The following KCTD1 variants were observed in gnomAD, a reference collection of about 807,000 sequenced individuals.
KCTD1 encodes BTB/POZ domain-containing protein KCTD1.
KCTD1 carries 24 observed loss-of-function variants against 66.0 expected under a neutral mutation model. That is an observed-to-expected ratio of 0.36 (90% confidence interval 0.26 to 0.51). KCTD1 has a LOEUF of 0.51. Among genes scored for constraint, KCTD1 ranks in the 20% least tolerant of loss-of-function variants. The pLI, the probability that KCTD1 is intolerant of heterozygous loss-of-function variation, is 0.95. For synonymous variants in KCTD1, 511 were observed against 517.2 expected (o/e 0.99, Z 0.16); for missense variants, 943 against 1,205.2 (o/e 0.78, Z 3.22).
At position 26,599,600 on chromosome 18, in the gene KCTD1, G is replaced by A. The variant is rs1260495974; in HGVS notation, c.-16+29547C>T. 2.7e-6 allele frequency: 4 copies of A among 1,497,148 alleles called. No individual in the cohort carries two copies. In the African/African-American group the frequency reaches 5.5e-5, roughly 21 times the overall value. 92.7% of individuals were successfully genotyped at this position (1,497,148 alleles called of 1,614,324 possible). A position where few individuals can be genotyped will look rare whatever the true frequency, so the allele number is the denominator to read the frequency against. On this transcript the variant is annotated intron_variant, in intron 1 of 4. Coordinates refer to the KCTD1 transcript ENST00000317932. Reference sequence around the variant, plus strand: ...ATCCAGCTTTGACATTATTTTGTCGGGTTTAGTCCCGGGAAGCACCACTCT... The same window carrying A: ...ATCCAGCTTTGACATTATTTTGTCGAGTTTAGTCCCGGGAAGCACCACTCT...
Position 26,548,218 on chromosome 18 carries a change from G to C in KCTD1, c.319C>G (p.Pro107Ala). ...MGLDWDEPLE[P>A]EDSAGEELEP... ...AGCTCCTCCCCGGCCGAGTCCTCGG[G>C]CTCCAGGGGCTCGTCCCAGTCCAGC... The change falls in exon 1 of 5, where the codon CCC becomes GCC. Residue 107 changes from proline to alanine, a missense_variant. By Grantham distance (27) the Pro-to-Ala change is conservative (BLOSUM62 -1). Transcript: ENST00000580059. The C allele has an allele frequency of 6.6e-7, 1 of 1,509,066 alleles. No individual in the cohort carries two copies. The highest frequency in any genetic ancestry group is 2.6e-5 in the East Asian group (1 of 38,876). The allele number at this position is 1,509,066 out of a possible 1,614,324, so 93.5% of individuals were successfully genotyped here.
At chr18:26,540,999 TC>T (rs1984948545) in intron 1 of KCTD1, among the ~76,000 whole-genome samples, 1 of 152,172 alleles carries the variant, frequency 6.6e-6, no homozygotes, top group African/African-American at 2.4e-5. Flanking sequence ...GGCTCTATCT[TC>T]CGGTGGAGAT....
intron 4 of KCTD1, chr18:26,457,203 A>G (rs1980138553): frequency 6.6e-6 from 1 of 152,080 alleles, no homozygotes. Context: ...TTAACATTCT[A>G]CCCAGCAGTG....
At chr18:26,485,509 T>C (rs1019695934) in intron 2 of KCTD1, among the ~76,000 whole-genome samples, 2 of 152,242 alleles carry the variant, frequency 1.3e-5, no homozygotes, top group Non-Finnish European at 1.5e-5. Context: ...AGAAAACTTT[T>C]AAGATCACCT....
intron 1 of KCTD1, among the ~76,000 whole-genome samples, chr18:26,646,340 A>G (rs1476004681): frequency 2.0e-5 from 3 of 152,218 alleles, no homozygotes; most frequent in Non-Finnish European, 2.9e-5. Context: ...CTTTTTCTCC[A>G]TCCTTTGACG....
At chr18:26,566,074 C>T (rs73401483) in intron 1 of KCTD1, 1 of 152,100 alleles carries the variant, frequency 6.6e-6, no homozygotes, top group Admixed American at 6.5e-5. Context: ...TGTTCAGTGC[C>T]TAACACAGAC....
intron 1 of KCTD1, among the ~76,000 whole-genome samples, chr18:26,583,776 T>A (rs1986412248): frequency 6.6e-6 from 1 of 152,228 alleles, no homozygotes; most frequent in South Asian, 2.1e-4. Flanking sequence ...TTTAAAAATA[T>A]CCTTTCTGTT....
intron 1 of KCTD1, chr18:26,600,317 G>A (rs1986861694): frequency 1.3e-6 from 2 of 1,567,322 alleles, no homozygotes; most frequent in Admixed American, 3.3e-5. Context: ...GCACTTCTGA[G>A]CAATAGCAAT....
At chr18:26,630,043 C>T (rs1414581911), upstream of KCTD1, among the ~76,000 whole-genome samples, 1 of 152,066 alleles carries the variant, frequency 6.6e-6, no homozygotes, top group African/African-American at 2.4e-5. Context: ...CCTTGAGACC[C>T]ATATGAAAGA....
At chr18:26,650,557 T>C (rs1988012038) in intron 1 of KCTD1, among the ~76,000 whole-genome samples, 1 of 152,250 alleles carries the variant, frequency 6.6e-6, no homozygotes, top group East Asian at 1.9e-4. Context: ...ACCTCATTTG[T>C]AGTTCAGAAA....
chr18:26,482,539 C>G (rs1042767584), intron 2 of KCTD1, among the ~76,000 whole-genome samples: 1 of 152,154 alleles, frequency 6.6e-6, no homozygotes, highest in Non-Finnish European at 1.5e-5. Flanking sequence ...AAAACTCTTA[C>G]GGGATTTGTC....
chr18:26,506,079 G>A (rs1025368503), intron 1 of KCTD1, among the ~76,000 whole-genome samples: 6 of 151,776 alleles, frequency 4.0e-5, no homozygotes, highest in East Asian at 3.9e-4. Context: ...ATGGGGTTTC[G>A]CTATGTTGCC....
intron 1 of KCTD1, among the ~76,000 whole-genome samples, chr18:26,580,404 T>C (rs1355789903): frequency 6.6e-6 from 1 of 152,104 alleles, no homozygotes; most frequent in African/African-American, 2.4e-5. Context: ...CTGGTGAACC[T>C]AGCACCTTTA....
intron 1 of KCTD1, among the ~76,000 whole-genome samples, chr18:26,628,790 G>T (rs1280673531): frequency 6.6e-6 from 1 of 152,164 alleles, no homozygotes; most frequent in Non-Finnish European, 1.5e-5. Flanking sequence ...TGAAGATAGA[G>T]GCTTCTAATT....
chr18:26,459,509 C>T, intron 4 of KCTD1, 111 bp downstream of exon 4: 1 of 1,019,582 alleles, frequency 9.8e-7, no homozygotes, highest in African/African-American at 1.6e-5. Flanking sequence ...ACAGAAGTGT[C>T]ACTGAGTGAG....
At chr18:26,533,829 A>G (rs1435515034) in intron 1 of KCTD1, among the ~76,000 whole-genome samples, 1 of 9,570 alleles carries the variant, frequency 1.0e-4, no homozygotes, top group African/African-American at 4.3e-4. Flanking sequence ...CTATTATTTA[A>G]AAAAAAAAAA....
rs1234121911 is a variant in KCTD1 at position 26,497,017 on chromosome 18, C to G, written c.1988+4055G>C. Reference sequence around the variant, plus strand: ...CCTTGCATGGCTTTTTAATGCTTCCCAGGTGCTTCTAATGTTCAGCTGTAT... The same window carrying G: ...CCTTGCATGGCTTTTTAATGCTTCCGAGGTGCTTCTAATGTTCAGCTGTAT... On this transcript the variant is annotated intron_variant, in intron 2 of 4. Coordinates refer to ENST00000580059, the MANE Select transcript of KCTD1 (RefSeq NM_001142730.3). Among the ~76,000 whole-genome samples, 5 of 152,174 alleles carry G rather than the reference C, an allele frequency of 3.3e-5. No homozygotes were observed. The East Asian group carries it at 7.7e-4, about 24-fold the overall frequency.
At chr18:26,585,959 C>T (rs1359638658) in intron 1 of KCTD1, among the ~76,000 whole-genome samples, 1 of 152,170 alleles carries the variant, frequency 6.6e-6, no homozygotes, top group East Asian at 1.9e-4. Context: ...GGCTTGAACC[C>T]AGGAGTTCAA....
At chr18:26,496,104 A>C (rs1253690478) in intron 2 of KCTD1, among the ~76,000 whole-genome samples, 1 of 152,204 alleles carries the variant, frequency 6.6e-6, no homozygotes, top group Non-Finnish European at 1.5e-5. Flanking sequence ...ATGAAAAATT[A>C]CTTAGTTACC....
Sources: gnomAD v4.1 joint callset for allele counts (sites outside exome capture counted in the v4.1 genomes callset) on GRCh38, gnomAD v4.1.1 for gene constraint, MANE v1.5 for transcripts, NCBI Gene and HGNC (gene_info 2026-07-23, HGNC 2026-07-21) for gene names.